The following LEF1 variants were observed in gnomAD, a reference collection of about 807,000 sequenced individuals.
LEF1 encodes lymphoid enhancer-binding factor 1.
Under a neutral mutation model 51.2 loss-of-function variants are expected in LEF1, and 14 were observed. The observed-to-expected ratio is 0.27, with a 90% CI of 0.18 to 0.43. LEF1 has a LOEUF of 0.43. Among genes scored for constraint, LEF1 ranks in the 20% least tolerant of loss-of-function variants. The pLI is 1.00. For missense variants in LEF1, 386 were observed against 512.0 expected, an observed-to-expected ratio of 0.75 and a Z score of 2.37; for synonymous variants, 185 against 183.2, an observed-to-expected ratio of 1.01 and a Z score of -0.08.
chr4:108,124,977 C>T (rs1742431399), intron 3 of LEF1, among the ~76,000 whole-genome samples: 1 of 152,132 alleles, frequency 6.6e-6, no homozygotes, highest in Admixed American at 6.5e-5. Context: ...GAAATGACCT[C>T]TCTACTAAAA....
chr4:108,160,553 C>T (rs1182784739), intron 3 of LEF1, among the ~76,000 whole-genome samples: 1 of 152,072 alleles, frequency 6.6e-6, no homozygotes, highest in Non-Finnish European at 1.5e-5. Context: ...GTGAGAGACC[C>T]ATTCATAAGA....
chr4:108,074,026 C>T lies in LEF1; in HGVS notation c.1009-3256G>A, dbSNP rs181142912. ...ATTTTTAGTAGATATGGGGTTTCACCGTGTTAGCCAGGAAGTTCTCTGATA... is the reference window on the plus strand; with the variant it reads ...ATTTTTAGTAGATATGGGGTTTCACTGTGTTAGCCAGGAAGTTCTCTGATA... On this transcript the variant is annotated intron_variant, in intron 8 of 11. Transcript: ENST00000265165. Among the ~76,000 whole-genome samples the T allele has an allele frequency of 2.4e-4, 37 of 152,180 alleles. 1 individual carries two copies. The highest frequency in any genetic ancestry group is 2.2e-3 in the Admixed American group (33 of 15,284).
intron 4 of LEF1, among the ~76,000 whole-genome samples, chr4:108,088,002 A>C (rs1362202742): frequency 6.6e-6 from 1 of 152,254 alleles, no homozygotes. Context: ...ATTAAAAAAT[A>C]AAACAGAAGC....
intron 3 of LEF1, among the ~76,000 whole-genome samples, chr4:108,156,213 T>A (rs1456697814): frequency 1.7e-4 from 26 of 152,182 alleles, no homozygotes; most frequent in Non-Finnish European, 3.8e-4. Context: ...AGATAAGTAC[T>A]TCCTAAGATA....
chr4:108,137,209 A>G (rs918428586), intron 3 of LEF1, among the ~76,000 whole-genome samples: 2 of 152,218 alleles, frequency 1.3e-5, no homozygotes, highest in Non-Finnish European at 2.9e-5. Flanking sequence ...CTATTAAAAC[A>G]GAAAGTCTAT....
At chr4:108,149,733 G>T (rs975955625) in intron 3 of LEF1, among the ~76,000 whole-genome samples, 1 of 150,678 alleles carries the variant, frequency 6.6e-6, no homozygotes, top group African/African-American at 2.4e-5. Flanking sequence ...ATGAGCACAC[G>T]TAATACATTT....
At chr4:108,133,356 T>A (rs1013848535) in intron 3 of LEF1, among the ~76,000 whole-genome samples, 13 of 152,348 alleles carry the variant, frequency 8.5e-5, no homozygotes, top group African/African-American at 2.9e-4. Flanking sequence ...TGACAGTGAC[T>A]ATGTAATCAT....
At chr4:108,134,328 T>G (rs1002637879) in intron 3 of LEF1, among the ~76,000 whole-genome samples, 8 of 152,236 alleles carry the variant, frequency 5.3e-5, no homozygotes, top group African/African-American at 1.9e-4. Context: ...CTTACACTTC[T>G]CCCTTATCCA....
intron 1 of LEF1, chr4:108,166,543 C>A: frequency 1.6e-6 from 2 of 1,276,332 alleles, no homozygotes; most frequent in Non-Finnish European, 2.0e-6. Context: ...TATCAGGGTC[C>A]ATCCGCCCCC....
chr4:108,103,431 T>C (rs1201255674), intron 3 of LEF1, among the ~76,000 whole-genome samples: 1 of 152,212 alleles, frequency 6.6e-6, no homozygotes, highest in African/African-American at 2.4e-5. Flanking sequence ...AAGGAATGAA[T>C]TTATGTGCCT....
chr4:108,065,964 G>A (rs1188575230), intron 9 of LEF1, among the ~76,000 whole-genome samples: 1 of 152,066 alleles, frequency 6.6e-6, no homozygotes, highest in Non-Finnish European at 1.5e-5. Context: ...GTGCAGTGGC[G>A]TGATCTTGGC....
intron 3 of LEF1, among the ~76,000 whole-genome samples, chr4:108,110,355 C>T (rs766666284): frequency 2.0e-5 from 3 of 152,184 alleles, no homozygotes; most frequent in African/African-American, 4.8e-5. Flanking sequence ...ACATTGCAGG[C>T]ATTTACTATC....
chr4:108,060,560 C>CT (rs1248635147), intron 11 of LEF1, among the ~76,000 whole-genome samples: 1 of 152,104 alleles, frequency 6.6e-6, no homozygotes, highest in African/African-American at 2.4e-5. Flanking sequence ...GCTCTGTTCC[C>CT]TTTGTCTTTC....
At chr4:108,133,100 A>C (rs530098836) in intron 3 of LEF1, among the ~76,000 whole-genome samples, 1 of 152,048 alleles carries the variant, frequency 6.6e-6, no homozygotes, top group Admixed American at 6.6e-5. Flanking sequence ...CAGCCTCCCG[A>C]GTAGCTGGGA....
At chr4:108,086,682 T>C (rs1739666327) in intron 4 of LEF1, among the ~76,000 whole-genome samples, 1 of 152,234 alleles carries the variant, frequency 6.6e-6, no homozygotes, top group Non-Finnish European at 1.5e-5. Flanking sequence ...GTATTTGTTG[T>C]CATCTGTAAG....
At chr4:108,077,450 C>T (rs1217535068) in intron 8 of LEF1, among the ~76,000 whole-genome samples, 1 of 127,288 alleles carries the variant, frequency 7.9e-6, no homozygotes. Flanking sequence ...GCCCGGCTGC[C>T]GCCCAGTCTG....
chr4:108,073,071 T>A (rs1738596078), intron 8 of LEF1, among the ~76,000 whole-genome samples: 1 of 152,166 alleles, frequency 6.6e-6, no homozygotes. Context: ...GCCTGGCTAA[T>A]CCTTGATTTT....
At chr4:108,075,867 G>A (rs1738820838) in intron 8 of LEF1, among the ~76,000 whole-genome samples, 1 of 152,270 alleles carries the variant, frequency 6.6e-6, no homozygotes, top group African/African-American at 2.4e-5. Flanking sequence ...GTGTACACTT[G>A]GAGATTTGGA....
At chr4:108,110,815 C>T (rs1741487522) in intron 3 of LEF1, among the ~76,000 whole-genome samples, 1 of 152,182 alleles carries the variant, frequency 6.6e-6, no homozygotes, top group Admixed American at 6.5e-5. Context: ...ATTCACAGCC[C>T]TTCATGGCTG....
Sources: allele counts gnomAD v4.1 joint callset (sites outside exome capture counted in the v4.1 genomes callset), GRCh38; gene constraint gnomAD v4.1.1; transcripts MANE v1.5; gene names NCBI Gene and HGNC (gene_info 2026-07-23, HGNC 2026-07-21).